ZNF423: variants seen among roughly 807,000 people sequenced by gnomAD.
ZNF423 encodes Ebf-associated zinc finger protein.
Under a neutral mutation model 95.8 loss-of-function variants are expected in ZNF423, and 12 were observed. The observed-to-expected ratio is 0.13, with a 90% CI of 0.08 to 0.20. The LOEUF (loss-of-function observed/expected upper bound fraction) is 0.20, where lower values mean the gene tolerates loss of function less well. ZNF423 is among the 10% of genes least tolerant of loss of function. The pLI is 1.00. For missense variants in ZNF423, 1,316 were observed against 1,737.1 expected (o/e 0.76, Z 4.31); for synonymous variants, 749 against 711.9 (o/e 1.05, Z -0.83).
At chr16:49,839,136 T>TC (rs150137160) in intron 1 of ZNF423, among the ~76,000 whole-genome samples, 9,085 of 82,530 alleles carry the variant, frequency 0.11, 362 homozygotes, top group Middle Eastern at 0.26. Flanking sequence ...CCCCTTCCCC[T>TC]CCCCCGCGGT....
At chr16:49,562,070 G>A (rs1445905038) in intron 5 of ZNF423, among the ~76,000 whole-genome samples, 3 of 152,224 alleles carry the variant, frequency 2.0e-5, no homozygotes, top group Admixed American at 2.0e-4. Flanking sequence ...GTTTAATGGT[G>A]CTGTGAGAAG....
intron 3 of ZNF423, among the ~76,000 whole-genome samples, chr16:49,687,979 CA>C (rs1476733015): frequency 6.6e-6 from 1 of 151,330 alleles, no homozygotes; most frequent in Non-Finnish European, 1.5e-5. Context: ...TCTGCCCTCC[CA>C]AAAAACAGCC....
intron 5 of ZNF423, among the ~76,000 whole-genome samples, chr16:49,541,161 GACC>G (rs1340787069): frequency 1.3e-5 from 2 of 152,150 alleles, no homozygotes; most frequent in African/African-American, 4.8e-5. Context: ...AGGAAGGATG[GACC>G]ACCATCTCTC....
intron 3 of ZNF423, among the ~76,000 whole-genome samples, chr16:49,681,559 T>C (rs1449107906): frequency 2.6e-5 from 4 of 152,112 alleles, no homozygotes; most frequent in Non-Finnish European, 5.9e-5. Flanking sequence ...TGCAGCAAAG[T>C]AGAGACTAAA....
intron 5 of ZNF423, among the ~76,000 whole-genome samples, chr16:49,546,622 C>T (rs1969453201): frequency 6.6e-6 from 1 of 152,210 alleles, no homozygotes; most frequent in Non-Finnish European, 1.5e-5. Flanking sequence ...GAAGGAGGCA[C>T]TCATAGTGAG....
Position 49,491,025 on chromosome 16 carries a change from C to T in ZNF423, c.*250G>A. On this transcript the variant is annotated 3_prime_UTR_variant, in exon 8 of 8. Transcript: ENST00000563137. ...GTTTCTCTAACTCTAGAAATGTAGT[C>T]TGCGGCGGAAAGTCTAAAAGCACAC... 1.9e-6 allele frequency: 1 copy of T among 515,452 alleles called. No individual in the cohort carries two copies. The highest frequency in any genetic ancestry group is 3.5e-6 in the Non-Finnish European group (1 of 286,910). The allele number at this position is 515,452 out of a possible 1,614,324, so 31.9% of individuals were successfully genotyped here.
At chr16:49,598,083 CTGGGT>C (rs1345307830) in intron 5 of ZNF423, among the ~76,000 whole-genome samples, 1 of 152,074 alleles carries the variant, frequency 6.6e-6, no homozygotes, top group Non-Finnish European at 1.5e-5. Flanking sequence ...ACCTCCTTCC[CTGGGT>C]AGTATCTGCT....
At chr16:49,617,210 G>C (rs903639547) in intron 5 of ZNF423, among the ~76,000 whole-genome samples, 1 of 152,162 alleles carries the variant, frequency 6.6e-6, no homozygotes, top group East Asian at 1.9e-4. Flanking sequence ...GAGGCCAGTG[G>C]AAGAGGCCTT....
In ZNF423 at chr16:49,676,890, C is replaced by T. The variant is rs148590820; in HGVS notation, c.302-38016G>A. On this transcript the variant is annotated intron_variant, in intron 3 of 7. Coordinates refer to ENST00000563137, the MANE Select transcript of ZNF423 (RefSeq NM_001379286.1). ...AGCCACTCAAAATGTGGCCCTGGACCAGCAACTCAGCATCACATGAGAGCT... is the reference window on the plus strand; with the variant it reads ...AGCCACTCAAAATGTGGCCCTGGACTAGCAACTCAGCATCACATGAGAGCT... 1.4e-4 allele frequency among the ~76,000 whole-genome samples: 22 copies of T among 152,210 alleles called. No individual in the cohort carries two copies. The East Asian group carries it at 4.3e-3, about 29-fold the overall frequency.
chr16:49,687,155 A>C (rs980696015), intron 3 of ZNF423, among the ~76,000 whole-genome samples: 1 of 151,994 alleles, frequency 6.6e-6, no homozygotes, highest in Non-Finnish European at 1.5e-5. Flanking sequence ...GTTTATTAAC[A>C]TCCACTAATA....
chr16:49,729,020 C>T (rs74338029), intron 3 of ZNF423, among the ~76,000 whole-genome samples: 10,254 of 152,170 alleles, frequency 0.067, 437 homozygotes, highest in East Asian at 0.15. Flanking sequence ...CATGAGCCAT[C>T]GTGCCCAGCC....
At chr16:49,553,899 G>GC (rs1969731192) in intron 5 of ZNF423, among the ~76,000 whole-genome samples, 1 of 152,146 alleles carries the variant, frequency 6.6e-6, no homozygotes, top group African/African-American at 2.4e-5. Context: ...GGGAACTGAA[G>GC]CCCCCCAAAA....
chr16:49,830,120 T>C (rs192854472), intron 1 of ZNF423, among the ~76,000 whole-genome samples: 3 of 152,202 alleles, frequency 2.0e-5, no homozygotes, highest in East Asian at 1.9e-4. Flanking sequence ...GTAACAGCAG[T>C]GGGCCCACTT....
chr16:49,562,146 A>G (rs1888761198), intron 5 of ZNF423, among the ~76,000 whole-genome samples: 1 of 152,220 alleles, frequency 6.6e-6, no homozygotes, highest in Non-Finnish European at 1.5e-5. Flanking sequence ...CGCAAATAAA[A>G]CATCAATAGG....
intron 1 of ZNF423, among the ~76,000 whole-genome samples, chr16:49,839,688 G>A (rs1015065427): frequency 2.0e-5 from 3 of 152,176 alleles, no homozygotes; most frequent in Admixed American, 2.0e-4. Flanking sequence ...AGAGAGAACA[G>A]AGCCGGGCCC....
At chr16:49,520,300 A>T (rs1968343281) in intron 7 of ZNF423, among the ~76,000 whole-genome samples, 1 of 152,232 alleles carries the variant, frequency 6.6e-6, no homozygotes, top group African/African-American at 2.4e-5. Flanking sequence ...CAGTTTGTCT[A>T]AACTCCTTTG....
rs1567356438 is a variant in ZNF423, at chr16:49,815,904, ATATATATATATTTTTTTTT to A, written c.41-26377_41-26359del. Among the ~76,000 whole-genome samples, 257 of 46,584 alleles carry A rather than the reference ATATATATATATTTTTTTTT, an allele frequency of 5.5e-3. 1 individual carries two copies. Among genetic ancestry groups the A allele is most frequent in the African/African-American group, 0.022 (252 of 11,266 alleles). The allele number at this position is 46,584 out of a possible 152,430, so 30.6% of individuals were successfully genotyped here. A position where few individuals can be genotyped will look rare whatever the true frequency, so the allele number is the denominator to read the frequency against. On this transcript the variant is annotated intron_variant, in intron 1 of 7. Coordinates refer to ENST00000563137, the MANE Select transcript of ZNF423 (RefSeq NM_001379286.1). The stretch of plus-strand genomic sequence containing the variant: ...AAAATATATATATATATATATATAT[ATATATATATATTTTTTTTT>A]TTTTTTTTTTTTTGAGACAAAGTCT...
chr16:49,790,072 C>T (rs989387461), intron 1 of ZNF423, among the ~76,000 whole-genome samples: 2 of 152,196 alleles, frequency 1.3e-5, no homozygotes, highest in African/African-American at 4.8e-5. Flanking sequence ...CATCCCACAC[C>T]CCAGGACATA....
chr16:49,563,685 C>G, intron 5 of ZNF423, among the ~76,000 whole-genome samples: 1 of 152,226 alleles, frequency 6.6e-6, no homozygotes. Context: ...CTGTCGGCAC[C>G]ATCCCAACCA....
Sources: allele counts gnomAD v4.1 joint callset (sites outside exome capture counted in the v4.1 genomes callset), GRCh38; gene constraint gnomAD v4.1.1; transcripts MANE v1.5; gene names NCBI Gene and HGNC (gene_info 2026-07-23, HGNC 2026-07-21).